CACNA1D: variants seen among roughly 807,000 people sequenced by gnomAD.
CACNA1D encodes the protein voltage-dependent L-type calcium channel subunit alpha-1D.
Under a neutral mutation model 257.1 loss-of-function variants are expected in CACNA1D, and 55 were observed. That is an observed-to-expected ratio of 0.21 (90% CI 0.17 to 0.27). The LOEUF (loss-of-function observed/expected upper bound fraction) is 0.27. Among genes scored for constraint, CACNA1D ranks in the 10% least tolerant of loss-of-function variants. The pLI, the probability that CACNA1D is intolerant of heterozygous loss-of-function variation, is 1.00. For synonymous variants in CACNA1D, 980 were observed against 1,014.9 expected, an observed-to-expected ratio of 0.97 and a Z score of 0.65; for missense variants, 1,876 against 2,784.0, an observed-to-expected ratio of 0.67 and a Z score of 7.34.
chr3:53,799,780 C>G (rs1185836858), intron 40 of CACNA1D: 1 of 243,958 alleles, frequency 4.1e-6, no homozygotes, highest in East Asian at 9.8e-5. Context: ...GCTTGTGCCT[C>G]TGGCACCTAC....
intron 27 of CACNA1D, 94 bp downstream of exon 27, chr3:53,749,563 C>T: frequency 1.2e-6 from 1 of 864,818 alleles, no homozygotes; most frequent in Non-Finnish European, 1.9e-6. Context: ...GAGAAGGGCA[C>T]CCACATACTG....
At chr3:53,777,949 A>G (rs1265225285) in intron 37 of CACNA1D, among the ~76,000 whole-genome samples, 1 of 152,266 alleles carries the variant, frequency 6.6e-6, no homozygotes, top group African/African-American at 2.4e-5. Flanking sequence ...CATAGCAACT[A>G]GTTCTTGCTC....
chr3:53,523,715 C>T (rs1418239518), intron 3 of CACNA1D, among the ~76,000 whole-genome samples: 6 of 152,240 alleles, frequency 3.9e-5, no homozygotes, highest in Non-Finnish European at 8.8e-5. Context: ...TTGCCACTCT[C>T]ATAATTAGAA....
chr3:53,722,536 C>T (rs950708905), intron 12 of CACNA1D, 62 bp downstream of exon 12: 1 of 1,515,568 alleles, frequency 6.6e-7, no homozygotes, highest in Non-Finnish European at 9.2e-7. Flanking sequence ...TGTCCAACTG[C>T]CATTTGGTCT....
intron 3 of CACNA1D, among the ~76,000 whole-genome samples, chr3:53,605,702 A>G (rs548567689): frequency 6.6e-6 from 1 of 152,340 alleles, no homozygotes; most frequent in South Asian, 2.1e-4. Flanking sequence ...TTTTCAAAGA[A>G]CTTTTACGAA....
chr3:53,621,878 T>C (rs1356194430), intron 3 of CACNA1D, among the ~76,000 whole-genome samples: 1 of 152,180 alleles, frequency 6.6e-6, no homozygotes, highest in African/African-American at 2.4e-5. Context: ...CATTATTGTT[T>C]TCAGAAAAAT....
intron 3 of CACNA1D, among the ~76,000 whole-genome samples, chr3:53,559,849 T>G (rs1052684078): frequency 1.3e-5 from 2 of 152,166 alleles, no homozygotes; most frequent in Non-Finnish European, 2.9e-5. Context: ...GCCAAGCGCT[T>G]GAAGGTCAGG....
chr3:53,721,934 C>T (rs2070616), intron 11 of CACNA1D, among the ~76,000 whole-genome samples: 4,892 of 152,232 alleles, frequency 0.032, 115 homozygotes, highest in East Asian at 0.091. Context: ...AGCAGATCCA[C>T]GTCCCATATG....
intron 3 of CACNA1D, among the ~76,000 whole-genome samples, chr3:53,580,113 A>G (rs149767594): frequency 6.4e-4 from 97 of 152,248 alleles, no homozygotes; most frequent in Middle Eastern, 3.4e-3. Context: ...CTGCTCCTGC[A>G]TCCTTTTAGG....
intron 31 of CACNA1D, 33 bp downstream of exon 31, chr3:53,770,050 C>A: frequency 1.9e-6 from 3 of 1,561,522 alleles, no homozygotes; most frequent in Non-Finnish European, 2.7e-6. Flanking sequence ...AGGGGCTGGG[C>A]CTTTTCCTTA....
chr3:53,813,441 TTCGGTGC>T lies in CACNA1D; in HGVS notation c.*2036_*2042del, dbSNP rs2095609430. Reference sequence around the variant, plus strand: ...TGGATATTCTTATCCTCCTGGTTCCTTCGGTGCCAATGGTAACCTAATACCAGCCGCA... The same window carrying T: ...TGGATATTCTTATCCTCCTGGTTCCTCAATGGTAACCTAATACCAGCCGCA... On this transcript the variant is annotated 3_prime_UTR_variant, in exon 48 of 48. Coordinates refer to ENST00000350061, the MANE Select transcript of CACNA1D (RefSeq NM_001128840.3). The T allele has an allele frequency of 6.6e-6, 1 of 152,248 alleles. No individual in the cohort carries two copies. The highest frequency in any genetic ancestry group is 2.4e-5 in the African/African-American group (1 of 41,458). 9.4% of individuals were successfully genotyped at this position (152,248 alleles called of 1,614,324 possible). A position where few individuals can be genotyped will look rare whatever the true frequency, so the allele number is the denominator to read the frequency against.
At chr3:53,652,531 A>G (rs2094108373) in intron 4 of CACNA1D, among the ~76,000 whole-genome samples, 1 of 152,202 alleles carries the variant, frequency 6.6e-6, no homozygotes, top group Non-Finnish European at 1.5e-5. Context: ...ACTAGGGAAA[A>G]GAGAAAGATC....
intron 22 of CACNA1D, among the ~76,000 whole-genome samples, chr3:53,744,342 CT>C (rs1241551002): frequency 5.3e-5 from 8 of 152,196 alleles, no homozygotes; most frequent in African/African-American, 1.9e-4. Context: ...CTGTGAGCTC[CT>C]TGAAGGCCAG....
At chr3:53,674,238 A>G (rs1169203140) in intron 8 of CACNA1D, among the ~76,000 whole-genome samples, 6 of 152,220 alleles carry the variant, frequency 3.9e-5, no homozygotes, top group Non-Finnish European at 5.9e-5. Context: ...TGCATTATAA[A>G]TACTTCCAGG....
At chr3:53,685,742 G>C (rs2094468737) in intron 8 of CACNA1D, among the ~76,000 whole-genome samples, 1 of 152,036 alleles carries the variant, frequency 6.6e-6, no homozygotes, top group Non-Finnish European at 1.5e-5. Context: ...AAAATACTTT[G>C]AAACTGATAA....
At chr3:53,735,590 C>A in intron 20 of CACNA1D, 87 bp downstream of exon 20, 1 of 1,444,450 alleles carries the variant, frequency 6.9e-7, no homozygotes, top group South Asian at 1.1e-5. Context: ...TGTGGAGGCC[C>A]TCAAGGTGAC....
rs1286183641 is a variant in CACNA1D at position 53,810,226 on chromosome 3, C to G, written c.6120C>G (p.Ser2040Arg). Residue 2040 changes from serine to arginine, a missense_variant, in exon 47 of 48, where the codon AGC becomes AGG. This residue lies in a region of CACNA1D where 491 missense variants were observed against 554.3 expected (regional missense o/e 0.89). Transcript: ENST00000350061. ...CCTACCGGACTTTCACACCAGCCAGCCTGACTGTCCCCAGCAGCTTCCGGA... is the reference window on the plus strand; with the variant it reads ...CCTACCGGACTTTCACACCAGCCAGGCTGACTGTCCCCAGCAGCTTCCGGA... ...DISYRTFTPA[S>R]LTVPSSFRNK... The G allele has an allele frequency of 2.5e-6, 4 of 1,613,978 alleles. No individual in the cohort carries two copies. Among genetic ancestry groups the G allele is most frequent in the Admixed American group, 1.7e-5 (1 of 60,018 alleles).
intron 3 of CACNA1D, among the ~76,000 whole-genome samples, chr3:53,606,533 C>T (rs1480073596): frequency 6.6e-6 from 1 of 152,208 alleles, no homozygotes; most frequent in East Asian, 1.9e-4. Flanking sequence ...TTGGAAATGA[C>T]AGGCACCTAG....
At chr3:53,504,763 A>G (rs1182975212) in intron 3 of CACNA1D, among the ~76,000 whole-genome samples, 1 of 152,176 alleles carries the variant, frequency 6.6e-6, no homozygotes, top group Non-Finnish European at 1.5e-5. Flanking sequence ...TTACAATATC[A>G]TACTTCACTG....
Sources: gnomAD v4.1 joint callset for allele counts (sites outside exome capture counted in the v4.1 genomes callset) on GRCh38, gnomAD v4.1.1 for gene constraint, gnomAD v4.1.1 regional missense constraint, MANE v1.5 for transcripts, NCBI Gene and HGNC (gene_info 2026-07-23, HGNC 2026-07-21) for gene names.